The following VDAC1 variants were observed in gnomAD, a reference collection of about 807,000 sequenced individuals.
VDAC1 encodes non-selective voltage-gated ion channel VDAC1.
In VDAC1, 10 loss-of-function variants were observed where a neutral mutation model predicts 34.7. The observed-to-expected ratio is 0.29, with a 90% confidence interval of 0.18 to 0.49. The LOEUF (loss-of-function observed/expected upper bound fraction) is 0.49, where lower values mean the gene tolerates loss of function less well. VDAC1 is among the 20% of genes least tolerant of loss of function. The pLI, the probability that VDAC1 is intolerant of heterozygous loss-of-function variation, is 0.99. For synonymous variants in VDAC1, 130 were observed against 136.0 expected (o/e 0.96, Z 0.30); for missense variants, 230 against 347.9 (o/e 0.66, Z 2.69).
chr5:134,039,514 G>C, the VDAC1 span, among the ~76,000 whole-genome samples: 1 of 75,642 alleles, frequency 1.3e-5, no homozygotes, highest in Non-Finnish European at 3.5e-5. Flanking sequence ...ATTTTTAGTA[G>C]AGACGGGGGT....
intron 1 of VDAC1, among the ~76,000 whole-genome samples, chr5:133,993,733 G>A (rs190924487): frequency 6.6e-6 from 1 of 152,080 alleles, no homozygotes; most frequent in East Asian, 1.9e-4. Flanking sequence ...ACCATCAAAG[G>A]ACTACTTGGG....
chr5:134,021,911 T>C, the VDAC1 span, among the ~76,000 whole-genome samples: 1 of 142,052 alleles, frequency 7.0e-6, no homozygotes, highest in Non-Finnish European at 1.5e-5. Context: ...GGAGTCTCAC[T>C]CTGTTGCCCA....
chr5:134,104,077 G>A, the VDAC1 span, among the ~76,000 whole-genome samples: 2 of 148,344 alleles, frequency 1.3e-5, no homozygotes, highest in South Asian at 2.2e-4. Flanking sequence ...CCACCATGAT[G>A]GGCAAGTTAC....
At position 133,972,488 on chromosome 5, in the gene VDAC1, C is replaced by T. The variant is rs776320016; in HGVS notation, c.*283G>A. 3.4e-5 allele frequency: 16 copies of T among 467,076 alleles called. No homozygotes were observed. Among genetic ancestry groups the T allele is most frequent in the African/African-American group, 8.0e-5 (4 of 49,850 alleles). The allele number at this position is 467,076 out of a possible 1,614,324, so 28.9% of individuals were successfully genotyped here. ...AATTTACAAAGTGCCTACATATTATCCGCTTCCACTTGCAGCCATTTCTAG... is the reference window on the plus strand; with the variant it reads ...AATTTACAAAGTGCCTACATATTATTCGCTTCCACTTGCAGCCATTTCTAG... On this transcript the variant is annotated 3_prime_UTR_variant, in exon 9 of 9. Transcript: ENST00000265333.
chr5:134,034,807 C>CT, the VDAC1 span, among the ~76,000 whole-genome samples: 1 of 150,848 alleles, frequency 6.6e-6, no homozygotes, highest in African/African-American at 2.4e-5. Context: ...AAAGGAGCTG[C>CT]GAGTAAGGAA....
At chr5:134,065,337 A>ATT in the VDAC1 span, among the ~76,000 whole-genome samples, 67 of 101,380 alleles carry the variant, frequency 6.6e-4, no homozygotes, top group African/African-American at 8.3e-4. Flanking sequence ...TTTAATTTTA[A>ATT]TTTTTTTTTT....
chr5:134,025,335 G>T, the VDAC1 span, among the ~76,000 whole-genome samples: 1 of 152,062 alleles, frequency 6.6e-6, no homozygotes, highest in Non-Finnish European at 1.5e-5. Flanking sequence ...CATAGGGAGG[G>T]CACCAAGCCA....
the VDAC1 span, among the ~76,000 whole-genome samples, chr5:134,016,869 G>A: frequency 2.6e-5 from 4 of 152,186 alleles, no homozygotes; most frequent in Admixed American, 1.3e-4. Context: ...GGATGTGTAC[G>A]GCTGAGACCC....
intron 5 of VDAC1, 81 bp downstream of exon 5, chr5:133,990,774 C>A: frequency 1.3e-6 from 2 of 1,483,760 alleles, no homozygotes; most frequent in Non-Finnish European, 1.8e-6. Flanking sequence ...TGTCAGCCCC[C>A]AAAACATTTT....
chr5:134,041,088 A>G, the VDAC1 span, among the ~76,000 whole-genome samples: 17 of 152,274 alleles, frequency 1.1e-4, no homozygotes, highest in South Asian at 1.4e-3. Context: ...GAATAAATGC[A>G]CTCACTTTGC....
chr5:134,058,715 G>C, the VDAC1 span, among the ~76,000 whole-genome samples: 12,212 of 151,858 alleles, frequency 0.08, 700 homozygotes, highest in African/African-American at 0.15. Flanking sequence ...GGCCAGATAG[G>C]GAACAGAGCA....
intron 5 of VDAC1, among the ~76,000 whole-genome samples, chr5:133,986,782 A>G (rs2126952275): frequency 6.6e-6 from 1 of 152,282 alleles, no homozygotes; most frequent in South Asian, 2.1e-4. Context: ...CAAGTACTAG[A>G]TGAGCGTGGT....
chr5:133,972,450 T>C lies in VDAC1; in HGVS notation c.*321A>G. 1 of 438,190 alleles carries C rather than the reference T, an allele frequency of 2.3e-6. No individual in the cohort carries two copies. The highest frequency in any genetic ancestry group is 3.9e-5 in the Admixed American group (1 of 25,752). 27.1% of individuals were successfully genotyped at this position (438,190 alleles called of 1,614,324 possible). ...TCTCAGGAAATCACAATTTCATTCA[T>C]TTACTCAATATGAATTTACAAAGTG... is the stretch of plus-strand genomic sequence containing the variant. On this transcript the variant is annotated 3_prime_UTR_variant, in exon 9 of 9. Transcript: ENST00000265333.
At chr5:134,020,116 T>G in the VDAC1 span, among the ~76,000 whole-genome samples, 1 of 151,972 alleles carries the variant, frequency 6.6e-6, no homozygotes, top group South Asian at 2.1e-4. Context: ...CATCAGGATT[T>G]TCTCTGGGAA....
chr5:134,097,042 A>G, the VDAC1 span, among the ~76,000 whole-genome samples: 1 of 152,256 alleles, frequency 6.6e-6, no homozygotes, highest in Admixed American at 6.5e-5. Flanking sequence ...CAGCGTCTCC[A>G]GTGTTGCCTC....
At chr5:134,060,104 C>A in the VDAC1 span, among the ~76,000 whole-genome samples, 15 of 151,866 alleles carry the variant, frequency 9.9e-5, no homozygotes, top group Non-Finnish European at 2.2e-4. Flanking sequence ...ATGGAACAAG[C>A]CAGATACAGA....
At chr5:133,974,953 T>C (rs1432860380) in intron 7 of VDAC1, among the ~76,000 whole-genome samples, 1 of 105,492 alleles carries the variant, frequency 9.5e-6, no homozygotes, top group African/African-American at 3.6e-5. Flanking sequence ...AGACTCCGTC[T>C]CAAAAAAAAA....
At chr5:134,067,672 C>T in the VDAC1 span, among the ~76,000 whole-genome samples, 10 of 32,756 alleles carry the variant, frequency 3.1e-4, no homozygotes, top group African/African-American at 5.4e-4. Context: ...AGGGGGAGGG[C>T]GAGGGAGGAG....
the VDAC1 span, among the ~76,000 whole-genome samples, chr5:134,055,639 CGTG>C: frequency 1.6e-5 from 2 of 125,878 alleles, no homozygotes; most frequent in African/African-American, 6.3e-5. Flanking sequence ...AGGGTTTCAC[CGTG>C]GTCTTGATCT....
Sources: gnomAD v4.1 joint callset for allele counts (sites outside exome capture counted in the v4.1 genomes callset) on GRCh38, gnomAD v4.1.1 for gene constraint, MANE v1.5 for transcripts, NCBI Gene and HGNC (gene_info 2026-07-23, HGNC 2026-07-21) for gene names.